ARRB1: variants seen among roughly 807,000 people sequenced by gnomAD.
The protein encoded by ARRB1 is arrestin beta 1.
In ARRB1, 21 loss-of-function variants were observed where a neutral mutation model predicts 56.8. That is an observed-to-expected ratio of 0.37 (90% CI 0.26 to 0.53). ARRB1 has a LOEUF of 0.53. ARRB1 is among the 20% of genes least tolerant of loss of function. The probability of loss-of-function intolerance (pLI) is 0.88; values close to 1 mark genes in which losing one functional copy is unlikely to be tolerated. For missense variants in ARRB1, 424 were observed against 553.7 expected, an observed-to-expected ratio of 0.77 and a Z score of 2.35; for synonymous variants, 210 against 218.6, an observed-to-expected ratio of 0.96 and a Z score of 0.35.
At chr11:75,302,076 G>A (rs1419843924) in intron 1 of ARRB1, among the ~76,000 whole-genome samples, 1 of 152,172 alleles carries the variant, frequency 6.6e-6, no homozygotes, top group Non-Finnish European at 1.5e-5. Context: ...AGTCAGACTG[G>A]GATGGGGACC....
rs1946327746 is a variant in ARRB1, at chr11:75,281,195, T to G, written c.415-53A>C. ...GGCCTTGGAGAAGCAGGGTCCCCAG[T>G]ACACAGCCAGCCCACCTCTCATTTT... is the stretch of plus-strand genomic sequence containing the variant. On this transcript the variant is annotated intron_variant, in intron 6 of 15. Transcript: ENST00000420843. 12 of 1,513,994 alleles carry G rather than the reference T, an allele frequency of 7.9e-6. No homozygotes were observed. In the South Asian group the frequency reaches 1.3e-4, roughly 17 times the overall value. The allele number at this position is 1,513,994 out of a possible 1,614,324, so 93.8% of individuals were successfully genotyped here.
intron 7 of ARRB1, among the ~76,000 whole-genome samples, chr11:75,279,159 C>T (rs1001990038): frequency 1.3e-5 from 2 of 152,194 alleles, no homozygotes; most frequent in Non-Finnish European, 2.9e-5. Flanking sequence ...AAATTTGTGT[C>T]TAAGGTGTTC....
intron 1 of ARRB1, among the ~76,000 whole-genome samples, chr11:75,340,124 G>A (rs927072054): frequency 6.6e-6 from 1 of 152,252 alleles, no homozygotes; most frequent in Non-Finnish European, 1.5e-5. Flanking sequence ...GAATTGAATG[G>A]AACAAACTGT....
intron 1 of ARRB1, among the ~76,000 whole-genome samples, chr11:75,294,024 C>T: frequency 6.6e-6 from 1 of 152,176 alleles, no homozygotes; most frequent in East Asian, 1.9e-4. Flanking sequence ...CTGATTCTCA[C>T]TCAGCTTCCC....
At chr11:75,309,014 T>G (rs150466578) in intron 1 of ARRB1, among the ~76,000 whole-genome samples, 2 of 152,236 alleles carry the variant, frequency 1.3e-5, no homozygotes, top group Non-Finnish European at 2.9e-5. Flanking sequence ...TTTTACAGAA[T>G]TGGAAACTGG....
chr11:75,335,489 G>T (rs924212525), intron 1 of ARRB1, among the ~76,000 whole-genome samples: 11 of 152,136 alleles, frequency 7.2e-5, no homozygotes, highest in African/African-American at 2.4e-4. Flanking sequence ...GGAGGCTGAG[G>T]AGGAAAGATT....
intron 1 of ARRB1, among the ~76,000 whole-genome samples, chr11:75,335,787 C>T (rs1186450677): frequency 1.3e-5 from 2 of 152,202 alleles, no homozygotes; most frequent in African/African-American, 2.4e-5. Flanking sequence ...CATCCTCAAA[C>T]ATTTGTAGGG....
chr11:75,304,296 T>C (rs1051487976), intron 1 of ARRB1, among the ~76,000 whole-genome samples: 1 of 151,940 alleles, frequency 6.6e-6, no homozygotes, highest in African/African-American at 2.4e-5. Context: ...AGATCCACTA[T>C]GGCAGCATAT....
chr11:75,343,297 G>A (rs138384360), intron 1 of ARRB1, among the ~76,000 whole-genome samples: 10 of 152,286 alleles, frequency 6.6e-5, no homozygotes, highest in Admixed American at 2.0e-4. Context: ...TGTGATCCAG[G>A]CCTTGAAGGA....
At chr11:75,282,070 C>T in intron 5 of ARRB1, 49 bp from the exon 6 acceptor site, 1 of 1,599,522 alleles carries the variant, frequency 6.3e-7, no homozygotes, top group East Asian at 2.2e-5. Context: ...CACCACTGTC[C>T]TGTCTCATGT....
chr11:75,278,629 C>T lies in ARRB1; in HGVS notation c.598G>A (p.Glu200Lys). Residue 200 changes from glutamate to lysine, a missense_variant, in exon 8 of 16, where the codon GAA (glutamate) becomes AAA (lysine). Glu to Lys is a moderately conservative substitution (Grantham distance 56). This residue lies in a region of ARRB1 where 301 missense variants were observed against 387.9 expected (regional missense o/e 0.78). Transcript: ENST00000420843. ...FLMSDKPLHL[E>K]ASLDKEIYYH... ...CCTACCTCCTTATCCAGAGAGGCTT[C>T]TAGGTGCAAGGGCTTGTCCGACATG... is the stretch of plus-strand genomic sequence containing the variant. 6.2e-7 allele frequency: 1 copy of T among 1,614,170 alleles called. No homozygotes were observed. The highest frequency in any genetic ancestry group is 8.5e-7 in the Non-Finnish European group (1 of 1,180,022).
intron 1 of ARRB1, among the ~76,000 whole-genome samples, chr11:75,320,875 G>A (rs988208600): frequency 1.3e-5 from 2 of 152,148 alleles, no homozygotes; most frequent in Non-Finnish European, 1.5e-5. Flanking sequence ...ATTTCCATTC[G>A]CAAAGCCTTC....
intron 12 of ARRB1, among the ~76,000 whole-genome samples, chr11:75,271,969 T>C (rs965219900): frequency 2.0e-5 from 3 of 151,878 alleles, no homozygotes; most frequent in African/African-American, 7.3e-5. Flanking sequence ...CCCAGGATCC[T>C]CATCTGTCAA....
intron 5 of ARRB1, among the ~76,000 whole-genome samples, chr11:75,282,836 CT>C (rs1338497899): frequency 6.6e-6 from 1 of 152,222 alleles, no homozygotes; most frequent in Non-Finnish European, 1.5e-5. Context: ...GCCTAAGAAA[CT>C]TGAGATTTTG....
intron 1 of ARRB1, among the ~76,000 whole-genome samples, chr11:75,305,018 C>CTTTTTTTTTTTTT (rs35323331): frequency 9.3e-4 from 81 of 86,742 alleles, no homozygotes; most frequent in Non-Finnish European, 1.1e-3. Flanking sequence ...TTCTTTCTTT[C>CTTTTTTTTTTTTT]TTTTTTTTTT....
intron 1 of ARRB1, among the ~76,000 whole-genome samples, chr11:75,335,961 G>A (rs1459241650): frequency 6.6e-6 from 1 of 152,138 alleles, no homozygotes; most frequent in African/African-American, 2.4e-5. Context: ...AGATGCCAAG[G>A]GGCTTTCCAC....
At chr11:75,271,798 A>G (rs1258344297) in intron 12 of ARRB1, 74 bp from the exon 13 acceptor site, 9 of 1,476,980 alleles carry the variant, frequency 6.1e-6, no homozygotes, top group African/African-American at 1.4e-5. Context: ...AAGCACATTC[A>G]TTCACCACTT....
chr11:75,319,605 G>A (rs1463998777), intron 1 of ARRB1, among the ~76,000 whole-genome samples: 1 of 152,140 alleles, frequency 6.6e-6, no homozygotes, highest in Admixed American at 6.5e-5. Flanking sequence ...TTTCCTGGCT[G>A]CTCCTCCAGC....
In ARRB1 at chr11:75,338,075, A is replaced by G. The variant is rs973357849; in HGVS notation, c.20+13513T>C. Among the ~76,000 whole-genome samples, 12 of 152,292 alleles carry G rather than the reference A, an allele frequency of 7.9e-5. No homozygotes were observed. In the South Asian group the frequency reaches 8.3e-4, roughly 11 times the overall value. ...TGTTGAGGAAGATCCAAAAAAGTCA[A>G]TGCAGCCAGGTTGTTAGCAGTGTGG... is the stretch of plus-strand genomic sequence containing the variant. On this transcript the variant is annotated intron_variant, in intron 1 of 15. Coordinates refer to ENST00000420843, the MANE Select transcript of ARRB1 (RefSeq NM_004041.5).
Sources: gnomAD v4.1 joint callset for allele counts (sites outside exome capture counted in the v4.1 genomes callset) on GRCh38, gnomAD v4.1.1 for gene constraint, gnomAD v4.1.1 regional missense constraint, MANE v1.5 for transcripts, NCBI Gene and HGNC (gene_info 2026-07-23, HGNC 2026-07-21) for gene names.